Variants in SLC25A21 observed in about 807,000 individuals in gnomAD.
SLC25A21 encodes mitochondrial 2-oxodicarboxylate carrier.
In SLC25A21, 47 loss-of-function variants were observed where a neutral mutation model predicts 43.8. That is an observed-to-expected ratio of 1.07 (90% CI 0.85 to 1.37). The LOEUF is 1.37. SLC25A21 is among the 40% of genes most tolerant of loss of function. The pLI is 0.00. For missense variants in SLC25A21, 352 were observed against 350.2 expected, an observed-to-expected ratio of 1.00 and a Z score of -0.04; for synonymous variants, 131 against 121.3, an observed-to-expected ratio of 1.08 and a Z score of -0.52.
At chr14:36,882,140 T>C (rs1890749472) in intron 1 of SLC25A21, among the ~76,000 whole-genome samples, 1 of 152,196 alleles carries the variant, frequency 6.6e-6, no homozygotes, top group Non-Finnish European at 1.5e-5. Context: ...CCCAGCACTT[T>C]GGGAGGCCAA....
At chr14:36,958,655 AGAGATGTACAC>A (rs1455648521) in intron 1 of SLC25A21, among the ~76,000 whole-genome samples, 1 of 150,712 alleles carries the variant, frequency 6.6e-6, no homozygotes, top group Non-Finnish European at 1.5e-5. Context: ...ACATGTGTGT[AGAGATGTACAC>A]ATAAGCACAC....
intron 1 of SLC25A21, among the ~76,000 whole-genome samples, chr14:37,157,911 A>G (rs1377542037): frequency 1.3e-5 from 2 of 152,190 alleles, no homozygotes; most frequent in Non-Finnish European, 2.9e-5. Context: ...AAACATTACA[A>G]CTGATACAAC....
At chr14:36,773,334 A>G (rs1289400958) in intron 3 of SLC25A21, among the ~76,000 whole-genome samples, 1 of 152,196 alleles carries the variant, frequency 6.6e-6, no homozygotes, top group Non-Finnish European at 1.5e-5. Context: ...TACCAAAGCC[A>G]TATCAATTAA....
At chr14:37,137,792 C>G (rs1352949312) in intron 1 of SLC25A21, among the ~76,000 whole-genome samples, 1 of 152,158 alleles carries the variant, frequency 6.6e-6, no homozygotes, top group African/African-American at 2.4e-5. Context: ...GGCATCAAGT[C>G]TTCCTTAAAA....
chr14:36,981,530 C>A (rs1336331368), intron 1 of SLC25A21, among the ~76,000 whole-genome samples: 1 of 152,160 alleles, frequency 6.6e-6, no homozygotes, highest in East Asian at 1.9e-4. Flanking sequence ...AAGTTCATGT[C>A]CTTTGTAGGA....
intron 3 of SLC25A21, among the ~76,000 whole-genome samples, chr14:36,781,828 C>T (rs747783706): frequency 6.6e-6 from 1 of 152,120 alleles, no homozygotes; most frequent in Non-Finnish European, 1.5e-5. Flanking sequence ...TTACCTTTAG[C>T]AGGGAGTCTT....
chr14:36,755,928 C>T (rs1885911839), intron 3 of SLC25A21, among the ~76,000 whole-genome samples: 2 of 152,172 alleles, frequency 1.3e-5, no homozygotes, highest in Admixed American at 1.3e-4. Flanking sequence ...GGATTTTCTG[C>T]ATGGCTGAGC....
At chr14:36,911,173 C>T (rs779263862) in intron 1 of SLC25A21, among the ~76,000 whole-genome samples, 20 of 152,142 alleles carry the variant, frequency 1.3e-4, no homozygotes, top group Non-Finnish European at 2.5e-4. Context: ...CTACTGCCAC[C>T]ACTACCACTA....
chr14:36,749,556 A>T (rs1221214046), intron 3 of SLC25A21, among the ~76,000 whole-genome samples: 1 of 152,128 alleles, frequency 6.6e-6, no homozygotes, highest in Non-Finnish European at 1.5e-5. Context: ...TCTCCCTCAG[A>T]GCAAAACCAA....
chr14:36,922,392 C>A (rs1594694734), intron 1 of SLC25A21, among the ~76,000 whole-genome samples: 1 of 152,054 alleles, frequency 6.6e-6, no homozygotes, highest in East Asian at 1.9e-4. Flanking sequence ...CAGGAAGGGA[C>A]AACCCAACCA....
At chr14:36,793,561 T>C (rs1380555171) in intron 3 of SLC25A21, among the ~76,000 whole-genome samples, 1 of 144,836 alleles carries the variant, frequency 6.9e-6, no homozygotes, top group African/African-American at 2.5e-5. Context: ...CCAGCATGAA[T>C]ATCATGATGG....
In SLC25A21 at chr14:37,090,777, G is replaced by A. The variant is rs1962569764; in HGVS notation, c.70+81504C>T. ...ACCTCTGTGGGTAAAGCCCCGTCCT[G>A]ATATTAAACCAAGATAGTGTTTTCT... is the stretch of plus-strand genomic sequence containing the variant. On this transcript the variant is annotated intron_variant, in intron 1 of 9. Transcript: ENST00000331299. Among the ~76,000 whole-genome samples the A allele has an allele frequency of 2.6e-5, 4 of 152,132 alleles. No individual in the cohort carries two copies. In the South Asian group the frequency reaches 6.2e-4, roughly 24 times the overall value.
intron 1 of SLC25A21, among the ~76,000 whole-genome samples, chr14:37,123,025 T>C (rs1221367806): frequency 6.6e-6 from 1 of 152,238 alleles, no homozygotes; most frequent in Non-Finnish European, 1.5e-5. Flanking sequence ...GCTCTATGAA[T>C]GCTTAGGACC....
At chr14:36,943,512 T>G (rs75316214) in intron 1 of SLC25A21, among the ~76,000 whole-genome samples, 1 of 152,198 alleles carries the variant, frequency 6.6e-6, no homozygotes, top group African/African-American at 2.4e-5. Flanking sequence ...TTTTGTATCA[T>G]GTCTTAGACA....
intron 1 of SLC25A21, among the ~76,000 whole-genome samples, chr14:37,021,210 T>C (rs1049451080): frequency 1.3e-5 from 2 of 151,944 alleles, no homozygotes; most frequent in Non-Finnish European, 2.9e-5. Flanking sequence ...TACATTGTTA[T>C]ATAGATGTAA....
At chr14:36,987,258 A>C (rs1189187513) in intron 1 of SLC25A21, among the ~76,000 whole-genome samples, 1 of 152,138 alleles carries the variant, frequency 6.6e-6, no homozygotes, top group African/African-American at 2.4e-5. Context: ...TTTTGGTGGG[A>C]TTGCTTAGAT....
At chr14:37,124,508 T>C (rs1257246637) in intron 1 of SLC25A21, among the ~76,000 whole-genome samples, 4 of 152,146 alleles carry the variant, frequency 2.6e-5, no homozygotes, top group Non-Finnish European at 5.9e-5. Context: ...TTGTTACCTA[T>C]AGCAAAGATA....
intron 2 of SLC25A21, among the ~76,000 whole-genome samples, chr14:36,862,376 C>T (rs1312783578): frequency 3.3e-5 from 5 of 152,150 alleles, no homozygotes; most frequent in East Asian, 1.9e-4. Flanking sequence ...CCATCAATGA[C>T]AGACTGGATT....
intron 1 of SLC25A21, among the ~76,000 whole-genome samples, chr14:36,877,289 C>T (rs538921210): frequency 6.6e-6 from 1 of 152,298 alleles, no homozygotes; most frequent in Non-Finnish European, 1.5e-5. Context: ...TTAAAGCTTA[C>T]AGCAAGACTT....
Sources: gnomAD v4.1 joint callset for allele counts (sites outside exome capture counted in the v4.1 genomes callset) on GRCh38, gnomAD v4.1.1 for gene constraint, MANE v1.5 for transcripts, NCBI Gene and HGNC (gene_info 2026-07-23, HGNC 2026-07-21) for gene names.